The following TMEM237 variants were observed in gnomAD, a reference collection of about 807,000 sequenced individuals.
The protein encoded by TMEM237 is transmembrane protein 237, also known as amyotrophic lateral sclerosis 2 (juvenile) chromosome region, candidate 4.
TMEM237 carries 51 observed loss-of-function variants against 59.1 expected under a neutral mutation model. That is an observed-to-expected ratio of 0.86 (90% confidence interval 0.69 to 1.09). The LOEUF is 1.09. Ranked by LOEUF, TMEM237 falls within the 50% of genes least tolerant of loss-of-function variation. TMEM237 has a pLI of 0.00. For synonymous variants in TMEM237, 140 were observed against 166.1 expected, an observed-to-expected ratio of 0.84 and a Z score of 1.21; for missense variants, 475 against 478.3, an observed-to-expected ratio of 0.99 and a Z score of 0.06.
rs1687354836 is a variant in TMEM237 at position 201,638,926 on chromosome 2, G to A, written c.136+63C>T. The A allele has an allele frequency of 7.5e-6, 11 of 1,473,922 alleles. No homozygotes were observed. In the Admixed American group the frequency reaches 1.2e-4, roughly 17 times the overall value. 91.3% of individuals were successfully genotyped at this position (1,473,922 alleles called of 1,614,324 possible). On this transcript the variant is annotated intron_variant, in intron 4 of 12. Transcript: ENST00000409883. ...GCCTTAATTCTCCCTTATCTGTGAT[G>A]TTTACTACGCCTGAGGTCCTGGGAA...
rs1382373648 is a variant in TMEM237 at position 201,635,318 on chromosome 2, T to G, written c.274+1430A>C. On this transcript the variant is annotated intron_variant, in intron 5 of 12. Transcript: ENST00000409883. This position sits in a 1 kb window ranked among gnomAD's most constrained non-coding sequence, Gnocchi z 4.5. ...AAGTTAAGATGAGGTCATGCTAGAT[T>G]GGAATGGGCCCTAAATCCAACAACT... Among the ~76,000 whole-genome samples, 1 of 152,146 alleles carries G rather than the reference T, an allele frequency of 6.6e-6. No homozygotes were observed. The highest frequency in any genetic ancestry group is 2.4e-5 in the African/African-American group (1 of 41,418).
intron 7 of TMEM237, chr2:201,631,051 A>C (rs1957802604): frequency 6.6e-6 from 1 of 152,210 alleles, no homozygotes; most frequent in Admixed American, 6.5e-5. Flanking sequence ...TTTCTTAAAC[A>C]CTGTGTTATA....
intron 7 of TMEM237, 79 bp from the exon 8 acceptor site, chr2:201,629,931 C>T: frequency 6.5e-7 from 1 of 1,548,346 alleles, no homozygotes; most frequent in Non-Finnish European, 8.7e-7. Context: ...ATTCCATACT[C>T]AGGAAGCCGC....
At chr2:201,634,429 A>T (rs1050998940) in intron 5 of TMEM237, 5 of 152,266 alleles carry the variant, frequency 3.3e-5, no homozygotes, top group African/African-American at 1.2e-4. Flanking sequence ...ACAATTTTTA[A>T]ATCCAGAAAC....
Position 201,643,274 on chromosome 2 carries a change from G to GGCCCCCCCCCCACACC in TMEM237, c.42+84_42+85insGGTGTGGGGGGGGGGC. The GGCCCCCCCCCCACACC allele has an allele frequency of 8.3e-7, 1 of 1,206,760 alleles. No homozygotes were observed. The highest frequency in any genetic ancestry group is 1.2e-6 in the Non-Finnish European group (1 of 849,320). 74.8% of individuals were successfully genotyped at this position (1,206,760 alleles called of 1,614,324 possible). On this transcript the variant is annotated intron_variant, in intron 1 of 12. Coordinates refer to ENST00000409883, the MANE Select transcript of TMEM237 (RefSeq NM_001044385.3). The surrounding 1 kb of genome is among the most constrained non-coding windows in gnomAD (Gnocchi z 4.3). ...CCTTAGTGATTCCCAGCTCGTTGGC[G>GGCCCCCCCCCCACACC]CCCCCCCACACACACCCACCCCCAC... is the stretch of plus-strand genomic sequence containing the variant.
At position 201,623,675 on chromosome 2, in the gene TMEM237, A is replaced by G. The variant is rs1480809958; in HGVS notation, c.*580T>C. ...AGCAACTTTTTAGTTACTTCTAGGTAAAAAATTTAGGTTATATAATTTTTC... is the reference window on the plus strand; with the variant it reads ...AGCAACTTTTTAGTTACTTCTAGGTGAAAAATTTAGGTTATATAATTTTTC... On this transcript the variant is annotated 3_prime_UTR_variant, in exon 13 of 13. Transcript: ENST00000409883. The G allele has an allele frequency of 2.0e-5, 3 of 152,446 alleles. No homozygotes were observed. The highest frequency in any genetic ancestry group is 4.4e-5 in the Non-Finnish European group (3 of 68,160). 9.4% of individuals were successfully genotyped at this position (152,446 alleles called of 1,614,324 possible). A position where few individuals can be genotyped will look rare whatever the true frequency, so the allele number is the denominator to read the frequency against.
Position 201,624,306 on chromosome 2 carries a change from T to C in TMEM237, c.1176A>G (p.Ser392=), listed in dbSNP as rs773344011. Residue 392 remains serine (S), a synonymous_variant, in exon 13 of 13, where the codon TCA becomes TCG. Transcript: ENST00000409883. ...CTTTATCAGGATATTCTTCCACCTCTGAGGAGAACATTAACTCTGGAGAAG... is the reference window on the plus strand; with the variant it reads ...CTTTATCAGGATATTCTTCCACCTCCGAGGAGAACATTAACTCTGGAGAAG... ...MDLSEELMFS[S]EVEEYPDKEK... is the part of the protein sequence containing the mutation. 9.3e-6 allele frequency: 15 copies of C among 1,612,068 alleles called. No individual in the cohort carries two copies. The African/African-American group carries it at 1.6e-4, about 17-fold the overall frequency.
intron 1 of TMEM237, 108 bp from the exon 2 acceptor site, chr2:201,641,032 C>T (rs1687403492): frequency 1.1e-5 from 11 of 971,432 alleles, no homozygotes; most frequent in East Asian, 2.8e-5. Context: ...TGCTGTGTGG[C>T]CCAGGCTGGA....
chr2:201,640,869 G>A, intron 2 of TMEM237, 24 bp downstream of exon 2: 1 of 1,548,196 alleles, frequency 6.5e-7, no homozygotes, highest in East Asian at 2.3e-5. Context: ...GCTCAATAAT[G>A]AAATTACTGT....
Position 201,626,149 on chromosome 2 carries a change from T to G in TMEM237, c.1038-2A>C. 6.2e-7 allele frequency: 1 copy of G among 1,610,770 alleles called. No homozygotes were observed. Among genetic ancestry groups the G allele is most frequent in the Non-Finnish European group, 8.5e-7 (1 of 1,178,446 alleles). ...ATCTGTTCCTCAATTCCTGCTTCCCTAAAAATGTAGAAACACTCATTAGAA... is the reference window on the plus strand; with the variant it reads ...ATCTGTTCCTCAATTCCTGCTTCCCGAAAAATGTAGAAACACTCATTAGAA... On this transcript the variant is annotated splice_acceptor_variant, in intron 11 of 12. Transcript: ENST00000409883. LOFTEE classifies it high-confidence loss of function.
intron 6 of TMEM237, among the ~76,000 whole-genome samples, chr2:201,633,080 T>G (rs1687209608): frequency 6.6e-6 from 1 of 152,212 alleles, no homozygotes; most frequent in Non-Finnish European, 1.5e-5. Context: ...GAGATGGCTC[T>G]TAAGTTTTTT....
At position 201,632,153 on chromosome 2, in the gene TMEM237, C is replaced by T; in HGVS notation, c.451G>A (p.Asp151Asn). 6.2e-7 allele frequency: 1 copy of T among 1,613,876 alleles called. No homozygotes were observed. The highest frequency in any genetic ancestry group is 2.2e-5 in the East Asian group (1 of 44,876). Residue 151 changes from aspartate to asparagine, a missense_variant, in exon 7 of 13, where the codon GAC (aspartate) becomes AAC (asparagine). Asp to Asn is a conservative substitution (Grantham distance 23). Transcript: ENST00000409883. ...GTAGTTTGCTCATCAGTGATTATGT[C>T]TTCATCTTCTACTCCTAGCTCATTG... ...YANELGVEDE[D>N]IITDEQTTVE...
At chr2:201,641,315 T>C (rs1193920304) in intron 1 of TMEM237, among the ~76,000 whole-genome samples, 1 of 152,164 alleles carries the variant, frequency 6.6e-6, no homozygotes, top group Admixed American at 6.5e-5. Context: ...CAAAAGTCTG[T>C]TGTTCAGACA....
At chr2:201,629,686 C>T (rs1389626986) in intron 8 of TMEM237, 43 bp downstream of exon 8, 4 of 1,578,802 alleles carry the variant, frequency 2.5e-6, no homozygotes, top group Non-Finnish European at 3.4e-6. Context: ...TTACAGAACT[C>T]AGTTAACATT....
At chr2:201,642,890 C>A in intron 1 of TMEM237, 2 of 1,340,596 alleles carry the variant, frequency 1.5e-6, no homozygotes, top group Non-Finnish European at 1.9e-6. Flanking sequence ...CGTGGCGCTG[C>A]AATCACAGCT....
rs199500256 is a variant in TMEM237 at position 201,632,129 on chromosome 2, T to C, written c.475A>G (p.Thr159Ala). The C allele has an allele frequency of 3.4e-4, 554 of 1,613,668 alleles. 3 individuals carry two copies. Among genetic ancestry groups the C allele is most frequent in the Non-Finnish European group, 6.3e-5 (74 of 1,179,704 alleles). Residue 159 changes from threonine to alanine, a missense_variant, in exon 7 of 13, where the codon ACT (threonine) becomes GCT (alanine). Coordinates refer to ENST00000409883, the MANE Select transcript of TMEM237 (RefSeq NM_001044385.3). ...DEDIITDEQT[T>A]VEQQSVFTAP... Reference sequence around the variant, plus strand: ...GTGAATACAGACTGCTGTTCCACAGTAGTTTGCTCATCAGTGATTATGTCT... The same window carrying C: ...GTGAATACAGACTGCTGTTCCACAGCAGTTTGCTCATCAGTGATTATGTCT...
In TMEM237 at chr2:201,636,730, C is replaced by T. The variant is rs762194214; in HGVS notation, c.274+18G>A. On this transcript the variant is annotated intron_variant, in intron 5 of 12. Coordinates refer to ENST00000409883, the MANE Select transcript of TMEM237 (RefSeq NM_001044385.3). ...ATCACAAGTGCTATCACAACTTAAC[C>T]TTGGTTTCTTCACATACCAAGAGGT... The T allele has an allele frequency of 3.9e-5, 61 of 1,559,864 alleles. No homozygotes were observed. The highest frequency in any genetic ancestry group is 5.1e-5 in the Non-Finnish European group (59 of 1,152,166).
chr2:201,640,803 T>C (rs1687397184), intron 2 of TMEM237, 90 bp downstream of exon 2: 6 of 1,075,108 alleles, frequency 5.6e-6, no homozygotes, highest in Non-Finnish European at 7.9e-6. Context: ...TGAATCATTG[T>C]AATTTTGCAA....
chr2:201,631,492 G>GT (rs1957807469), intron 7 of TMEM237: 1 of 152,402 alleles, frequency 6.6e-6, no homozygotes, highest in African/African-American at 2.4e-5. Context: ...TAATATGGTA[G>GT]TATCATCATG....
Sources: allele counts gnomAD v4.1 joint callset (sites outside exome capture counted in the v4.1 genomes callset), GRCh38; gene constraint gnomAD v4.1.1; non-coding constraint Gnocchi (gnomAD v3.1); transcripts MANE v1.5; gene names NCBI Gene and HGNC (gene_info 2026-07-23, HGNC 2026-07-21).